TMEM123: variants seen among roughly 807,000 people sequenced by gnomAD.
TMEM123 encodes transmembrane protein 123.
Under a neutral mutation model 19.7 loss-of-function variants are expected in TMEM123, and 16 were observed. The ratio of observed to expected loss-of-function variants is 0.81; its 90% CI spans 0.55 to 1.23. TMEM123 has a LOEUF of 1.23. Among genes scored for constraint, TMEM123 ranks in the 50% most tolerant of loss-of-function variants. TMEM123 has a pLI of 0.00. For missense variants in TMEM123, 313 were observed against 257.8 expected (o/e 1.21, Z -1.47); for synonymous variants, 118 against 99.4 (o/e 1.19, Z -1.12).
At chr11:102,406,365 A>G (rs1951955202) in intron 2 of TMEM123, among the ~76,000 whole-genome samples, 1 of 152,182 alleles carries the variant, frequency 6.6e-6, no homozygotes, top group Non-Finnish European at 1.5e-5. Context: ...AGAGCTGGAC[A>G]AGCATCTACT....
chr11:102,452,658 TCCCAG>T lies in TMEM123; in HGVS notation c.-40_-36del, dbSNP rs1857957286. ...GGCAGGATGCGGCAGCCTCGTGGGC[TCCCAG>T]CCGAGGTGGCGGCGGCGAGAGCGGC... On this transcript the variant is annotated 5_prime_UTR_variant, in exon 1 of 5. Transcript: ENST00000398136. 7.0e-7 allele frequency: 1 copy of T among 1,421,328 alleles called. No homozygotes were observed. The highest frequency in any genetic ancestry group is 9.3e-7 in the Non-Finnish European group (1 of 1,078,338). 88.0% of individuals were successfully genotyped at this position (1,421,328 alleles called of 1,614,324 possible). A position where few individuals can be genotyped will look rare whatever the true frequency, so the allele number is the denominator to read the frequency against.
rs1470706902 is a variant in TMEM123, at chr11:102,416,239, TA to T, written c.158-14034del. Among the ~76,000 whole-genome samples, 29 of 151,962 alleles carry T rather than the reference TA, an allele frequency of 1.9e-4. No homozygotes were observed. The East Asian group carries it at 4.6e-3, about 24-fold the overall frequency. On this transcript the variant is annotated intron_variant, in intron 2 of 4. Transcript: ENST00000398136. ...CCCAAAAGTTGGTTATTTGAAAGAA[TA>T]AATAAGATTGACAGACTCCAGCTAG...
chr11:102,397,451 T>C lies in TMEM123; in HGVS notation c.*1416A>G, dbSNP rs1437389227. 6.6e-6 allele frequency: 1 copy of C among 152,176 alleles called. No homozygotes were observed. Among genetic ancestry groups the C allele is most frequent in the Non-Finnish European group, 1.5e-5 (1 of 68,026 alleles). The allele number at this position is 152,176 out of a possible 1,614,324, so 9.4% of individuals were successfully genotyped here. Reference sequence around the variant, plus strand: ...ACTACATACCTCTTTTGTTAAAACTTGACCCTGAGTTTTGAGTGCTGGAAT... The same window carrying C: ...ACTACATACCTCTTTTGTTAAAACTCGACCCTGAGTTTTGAGTGCTGGAAT... On this transcript the variant is annotated 3_prime_UTR_variant, in exon 5 of 5. Transcript: ENST00000398136.
At chr11:102,448,104 T>C (rs1207258795) in intron 2 of TMEM123, 1 of 393,912 alleles carries the variant, frequency 2.5e-6, no homozygotes, top group Non-Finnish European at 5.0e-6. Context: ...TCCATAAATA[T>C]TCCCTGACTA....
intron 2 of TMEM123, among the ~76,000 whole-genome samples, chr11:102,413,859 A>G (rs1023261652): frequency 6.6e-6 from 1 of 152,340 alleles, no homozygotes; most frequent in East Asian, 1.9e-4. Flanking sequence ...GTTCTTAATG[A>G]GACTGAAATG....
chr11:102,401,556 GC>G lies in TMEM123; in HGVS notation c.584del (p.Gly195AlafsTer7). ...IGCKMYYSRR[G>X]IRYRTIDEHD... is the part of the protein sequence containing the mutation. ...AAACTTACATGGTTCGATACCGAATGCCTCTTCTTGAGTAATACATTTTGCA... is the reference window on the plus strand; with the variant it reads ...AAACTTACATGGTTCGATACCGAATGCTCTTCTTGAGTAATACATTTTGCA... On this transcript the variant is annotated frameshift_variant, in exon 4 of 5. Coordinates refer to ENST00000398136, the MANE Select transcript of TMEM123 (RefSeq NM_052932.3). LOFTEE classifies it high-confidence loss of function. 3 of 1,585,366 alleles carry G rather than the reference GC, an allele frequency of 1.9e-6. No individual in the cohort carries two copies. Among genetic ancestry groups the G allele is most frequent in the Non-Finnish European group, 2.6e-6 (3 of 1,172,644 alleles).
intron 2 of TMEM123, among the ~76,000 whole-genome samples, chr11:102,444,087 A>G (rs527367372): frequency 1.8e-4 from 28 of 152,370 alleles, no homozygotes; most frequent in African/African-American, 6.3e-4. Flanking sequence ...GAACACTTTT[A>G]CGCTGTTGGT....
chr11:102,417,009 T>C (rs970143539), intron 2 of TMEM123, among the ~76,000 whole-genome samples: 2 of 152,102 alleles, frequency 1.3e-5, no homozygotes, highest in Non-Finnish European at 2.9e-5. Context: ...ATAAGATCCA[T>C]CTATGACAAA....
chr11:102,402,448 G>GA (rs932197923), intron 2 of TMEM123, among the ~76,000 whole-genome samples: 152 of 143,330 alleles, frequency 1.1e-3, no homozygotes, highest in East Asian at 2.0e-3. Context: ...AAGATATGAA[G>GA]AAAAAAAAAA....
chr11:102,408,269 T>C (rs568766003), intron 2 of TMEM123, among the ~76,000 whole-genome samples: 26 of 152,368 alleles, frequency 1.7e-4, no homozygotes, highest in South Asian at 2.1e-4. Context: ...CACGTGGCTA[T>C]GAGTGATGTC....
chr11:102,435,070 T>C (rs1202120335), intron 2 of TMEM123, among the ~76,000 whole-genome samples: 5 of 151,940 alleles, frequency 3.3e-5, no homozygotes, highest in Non-Finnish European at 7.4e-5. Flanking sequence ...CTGGGCACAG[T>C]GGCTCACACC....
rs191717952 is a variant in TMEM123 at position 102,424,396 on chromosome 11, A to T, written c.158-22190T>A. ...ACTGCCATTTTACAGATTTGAAAAT[A>T]AACTCAGGGCCAGGCACAGTGGCTC... is the stretch of plus-strand genomic sequence containing the variant. On this transcript the variant is annotated intron_variant, in intron 2 of 4. Transcript: ENST00000398136. Among the ~76,000 whole-genome samples the T allele has an allele frequency of 9.8e-5, 15 of 152,350 alleles. No individual in the cohort carries two copies. In the East Asian group the frequency reaches 2.3e-3, roughly 24 times the overall value.
rs1329584353 is a variant in TMEM123 at position 102,396,595 on chromosome 11, C to T, written c.*2272G>A. 2 of 152,080 alleles carry T rather than the reference C, an allele frequency of 1.3e-5. No homozygotes were observed. Among genetic ancestry groups the T allele is most frequent in the Admixed American group, 1.3e-4 (2 of 15,270 alleles). 9.4% of individuals were successfully genotyped at this position (152,080 alleles called of 1,614,324 possible). A position where few individuals can be genotyped will look rare whatever the true frequency, so the allele number is the denominator to read the frequency against. On this transcript the variant is annotated 3_prime_UTR_variant, in exon 5 of 5. Coordinates refer to ENST00000398136, the MANE Select transcript of TMEM123 (RefSeq NM_052932.3). ...GTTTTGATCTTCAGATAAATACATT[C>T]TCAAGGAATGCAAGCAAAACTGAGC...
chr11:102,436,694 G>C (rs1036768446), intron 2 of TMEM123, among the ~76,000 whole-genome samples: 1 of 147,444 alleles, frequency 6.8e-6, no homozygotes, highest in Non-Finnish European at 1.5e-5. Context: ...TTATTCGTGA[G>C]AAATCTTTGT....
intron 1 of TMEM123, chr11:102,452,130 T>A (rs1857947424): frequency 6.1e-6 from 1 of 164,528 alleles, no homozygotes; most frequent in Admixed American, 6.4e-5. Context: ...TCCGCGGGCC[T>A]AGGTAGACAT....
rs1226614507 is a variant in TMEM123 at position 102,398,067 on chromosome 11, TAGG to T, written c.*797_*799del. 4 of 152,256 alleles carry T rather than the reference TAGG, an allele frequency of 2.6e-5. No homozygotes were observed. Among genetic ancestry groups the T allele is most frequent in the Non-Finnish European group, 5.9e-5 (4 of 68,062 alleles). 9.4% of individuals were successfully genotyped at this position (152,256 alleles called of 1,614,324 possible). On this transcript the variant is annotated 3_prime_UTR_variant, in exon 5 of 5. Coordinates refer to ENST00000398136, the MANE Select transcript of TMEM123 (RefSeq NM_052932.3). ...TCACAGTAGCAAATAATCTAACTTC[TAGG>T]AGGTTTTTTCCCTATAATGCCAGGA...
chr11:102,436,183 G>A (rs1180735089), intron 2 of TMEM123, among the ~76,000 whole-genome samples: 7 of 151,872 alleles, frequency 4.6e-5, no homozygotes, highest in Non-Finnish European at 4.4e-5. Flanking sequence ...TTTATTTTGA[G>A]ATGGAGTTTC....
chr11:102,418,939 A>G (rs1289192975), intron 2 of TMEM123, among the ~76,000 whole-genome samples: 3 of 152,226 alleles, frequency 2.0e-5, no homozygotes, highest in Admixed American at 6.5e-5. Context: ...GTTCTCAATT[A>G]TAAGTGAGAG....
In TMEM123 at chr11:102,452,689, T is replaced by G; in HGVS notation, c.-66A>C. ...CCGAGGTGGCGGCGGCGAGAGCGGCTCCTCTGCGCAGCCGGCGCCGGCTCC... is the reference window on the plus strand; with the variant it reads ...CCGAGGTGGCGGCGGCGAGAGCGGCGCCTCTGCGCAGCCGGCGCCGGCTCC... On this transcript the variant is annotated 5_prime_UTR_variant, in exon 1 of 5. Transcript: ENST00000398136. The G allele has an allele frequency of 7.9e-7, 1 of 1,263,372 alleles. No individual in the cohort carries two copies. The highest frequency in any genetic ancestry group is 1.0e-6 in the Non-Finnish European group (1 of 970,572). 78.3% of individuals were successfully genotyped at this position (1,263,372 alleles called of 1,614,324 possible). A position where few individuals can be genotyped will look rare whatever the true frequency, so the allele number is the denominator to read the frequency against.
Sources: gnomAD v4.1 joint callset for allele counts (sites outside exome capture counted in the v4.1 genomes callset) on GRCh38, gnomAD v4.1.1 for gene constraint, MANE v1.5 for transcripts, NCBI Gene and HGNC (gene_info 2026-07-23, HGNC 2026-07-21) for gene names.